Variants in GSE1 observed in about 807,000 individuals in gnomAD.
GSE1 encodes Gse1 coiled-coil protein.
GSE1 carries 32 observed loss-of-function variants against 112.6 expected under a neutral mutation model. The observed-to-expected ratio is 0.28, with a 90% CI of 0.21 to 0.38. GSE1 has a LOEUF of 0.38. GSE1 is among the 10% of genes least tolerant of loss of function. The probability of loss-of-function intolerance (pLI) is 1.00; values close to 1 mark genes in which losing one functional copy is unlikely to be tolerated. For synonymous variants in GSE1, 1,115 were observed against 735.6 expected (o/e 1.52, Z -8.35); for missense variants, 2,348 against 1,699.2 (o/e 1.38, Z -6.71).
intron 1 of GSE1, among the ~76,000 whole-genome samples, chr16:85,583,995 C>A (rs185194405): frequency 2.6e-5 from 4 of 152,218 alleles, no homozygotes; most frequent in African/African-American, 9.7e-5. Flanking sequence ...CCATAGATTT[C>A]TTTGTCTCCT....
Position 85,307,714 on chromosome 16 carries a change from C to T in GSE1, c.2284-49749C>T, listed in dbSNP as rs142030147. 5.3e-3 allele frequency among the ~76,000 whole-genome samples: 806 copies of T among 152,352 alleles called. 6 individuals are homozygous for T. Among genetic ancestry groups the T allele is most frequent in the Non-Finnish European group, 8.6e-3 (582 of 68,038 alleles). ...CTGACACCATGTGACTGACCTTAAC[C>T]TCCAGCACCTCCGCACGTCAAGCTG... On this transcript the variant is annotated intron_variant, in intron 1 of 2. Coordinates refer to the GSE1 transcript ENST00000637419.
In GSE1 at chr16:85,228,163, G is replaced by A. The variant is rs116181134; in HGVS notation, c.2283+56356G>A. On this transcript the variant is annotated intron_variant, in intron 1 of 2. Coordinates refer to the GSE1 transcript ENST00000637419. ...GCCTGGCTGCTGGAGGAGCAGCGCT[G>A]AGTCCCGGCCCCCGCCGGAGGAGCC... Among the ~76,000 whole-genome samples, 1,092 of 152,374 alleles carry A rather than the reference G, an allele frequency of 7.2e-3. 19 individuals carry two copies. Among genetic ancestry groups the A allele is most frequent in the African/African-American group, 0.025 (1,024 of 41,588 alleles).
At chr16:85,654,729 T>TC (rs1003554296) in intron 4 of GSE1, 65 bp from the exon 5 acceptor site, 17 of 972,304 alleles carry the variant, frequency 1.7e-5, no homozygotes, top group East Asian at 1.0e-4. Flanking sequence ...AGTTTAGCCG[T>TC]CCCCCCATGC....
At chr16:85,596,633 T>C (rs150071268) in intron 1 of GSE1, among the ~76,000 whole-genome samples, 5 of 152,340 alleles carry the variant, frequency 3.3e-5, no homozygotes, top group Admixed American at 2.6e-4. Context: ...TTTAAATTAA[T>C]GAAATAAAAT....
intron 1 of GSE1, among the ~76,000 whole-genome samples, chr16:85,176,597 C>T (rs1037726195): frequency 4.6e-5 from 7 of 152,250 alleles, no homozygotes; most frequent in Admixed American, 2.0e-4. Flanking sequence ...AGTTGGCGGG[C>T]GGGCCGCGCT....
intron 1 of GSE1, among the ~76,000 whole-genome samples, chr16:85,348,191 A>G (rs753179184): frequency 3.3e-5 from 5 of 151,870 alleles, no homozygotes; most frequent in Non-Finnish European, 7.4e-5. Flanking sequence ...CTATTCATCT[A>G]TCTGTCCATC....
intron 2 of GSE1, among the ~76,000 whole-genome samples, chr16:85,548,253 A>G (rs1353151818): frequency 6.7e-6 from 1 of 149,344 alleles, no homozygotes; most frequent in Non-Finnish European, 1.5e-5. Context: ...AAAAGAAAGA[A>G]AGAAAGAAAG....
intron 1 of GSE1, among the ~76,000 whole-genome samples, chr16:85,176,606 C>T (rs1478294329): frequency 1.3e-5 from 2 of 152,274 alleles, no homozygotes; most frequent in Admixed American, 6.5e-5. Flanking sequence ...GCGGGCCGCG[C>T]TTCCCGCTTC....
chr16:85,304,061 C>G (rs1424787688), intron 1 of GSE1, among the ~76,000 whole-genome samples: 1 of 152,238 alleles, frequency 6.6e-6, no homozygotes. Context: ...AGCCGCAGGA[C>G]AGAGCCCCTT....
At chr16:85,332,844 C>A (rs1264538494) in intron 1 of GSE1, among the ~76,000 whole-genome samples, 1 of 152,132 alleles carries the variant, frequency 6.6e-6, no homozygotes, top group Non-Finnish European at 1.5e-5. Context: ...ATGGCGGGCC[C>A]AGGGGCCAGG....
intron 2 of GSE1, among the ~76,000 whole-genome samples, chr16:85,360,701 C>G (rs1213115634): frequency 6.6e-6 from 1 of 152,022 alleles, no homozygotes; most frequent in Non-Finnish European, 1.5e-5. Flanking sequence ...AGTACATACA[C>G]GCAAACACAC....
At chr16:85,528,453 A>G (rs2052432209) in intron 2 of GSE1, among the ~76,000 whole-genome samples, 1 of 150,700 alleles carries the variant, frequency 6.6e-6, no homozygotes, top group South Asian at 2.1e-4. Context: ...CCGGGACTAC[A>G]GGTGTGTGCA....
At chr16:85,672,281 C>T (rs2053413119) in intron 15 of GSE1, 124 bp from the exon 16 acceptor site, 3 of 720,762 alleles carry the variant, frequency 4.2e-6, no homozygotes, top group Non-Finnish European at 7.2e-6. Flanking sequence ...AGGCGTGAGC[C>T]ACCACGCCCG....
intron 1 of GSE1, among the ~76,000 whole-genome samples, chr16:85,333,663 A>G (rs757004999): frequency 2.8e-4 from 43 of 152,322 alleles, no homozygotes; most frequent in Non-Finnish European, 4.4e-4. Flanking sequence ...GGGTTACAGG[A>G]GAGCAAGTCT....
intron 1 of GSE1, among the ~76,000 whole-genome samples, chr16:85,322,691 C>T (rs2046136201): frequency 6.6e-6 from 1 of 150,590 alleles, no homozygotes; most frequent in South Asian, 2.1e-4. Context: ...TCTTGGCTCA[C>T]TGCCACCTCT....
chr16:85,172,631 A>T (rs962031920), intron 1 of GSE1, among the ~76,000 whole-genome samples: 1 of 152,226 alleles, frequency 6.6e-6, no homozygotes, highest in Non-Finnish European at 1.5e-5. Context: ...GCAGTCACCA[A>T]CCCGGCCACC....
At chr16:85,438,878 G>A (rs543162783) in intron 2 of GSE1, among the ~76,000 whole-genome samples, 13 of 152,282 alleles carry the variant, frequency 8.5e-5, no homozygotes, top group East Asian at 3.9e-4. Context: ...TGACCACTGC[G>A]TCCTGGGAAT....
intron 1 of GSE1, among the ~76,000 whole-genome samples, chr16:85,346,401 TGATGGGC>T (rs1385615034): frequency 7.5e-6 from 1 of 134,084 alleles, no homozygotes; most frequent in African/African-American, 2.8e-5. Context: ...GATGGATGGA[TGATGGGC>T]GGGTGGATGG....
At position 85,509,135 on chromosome 16, in the gene GSE1, G is replaced by A. The variant is rs576178332; in HGVS notation, c.2465-124779G>A. Among the ~76,000 whole-genome samples the A allele has an allele frequency of 2.0e-4, 31 of 152,320 alleles. No individual in the cohort carries two copies. The South Asian group carries it at 2.5e-3, about 12-fold the overall frequency. ...AGACACGGACAAAGGCTGGAAGGCC[G>A]GGCAGAGCGGGGTTATCGTGTGACG... On this transcript the variant is annotated intron_variant, in intron 2 of 2. Transcript: ENST00000637419.
Sources: gnomAD v4.1 joint callset for allele counts (sites outside exome capture counted in the v4.1 genomes callset) on GRCh38, gnomAD v4.1.1 for gene constraint, MANE v1.5 for transcripts, NCBI Gene and HGNC (gene_info 2026-07-23, HGNC 2026-07-21) for gene names.